ALOXE3: variants seen among roughly 807,000 people sequenced by gnomAD.
The protein encoded by ALOXE3 is arachidonate epidermal lipoxygenase 3.
A neutral mutation model predicts 87.5 loss-of-function variants in ALOXE3; 78 were observed. That is an observed-to-expected ratio of 0.89 (90% confidence interval 0.74 to 1.08). ALOXE3 has a LOEUF of 1.08. Ranked by LOEUF, ALOXE3 falls within the 50% of genes least tolerant of loss-of-function variation. The probability of loss-of-function intolerance (pLI) is 0.00; values close to 1 mark genes in which losing one functional copy is unlikely to be tolerated. For missense variants in ALOXE3, 946 were observed against 912.4 expected (o/e 1.04, Z -0.47); for synonymous variants, 363 against 370.8 (o/e 0.98, Z 0.24).
At chr17:8,106,682 C>T (rs144419070) in intron 13 of ALOXE3, among the ~76,000 whole-genome samples, 2,132 of 152,040 alleles carry the variant, frequency 0.014, 33 homozygotes, top group South Asian at 0.015. Flanking sequence ...AAAAATTATC[C>T]GGGCGTGGTA....
chr17:8,101,021 C>T (rs1978888769), intron 15 of ALOXE3, among the ~76,000 whole-genome samples: 2 of 111,394 alleles, frequency 1.8e-5, no homozygotes, highest in African/African-American at 6.4e-5. Context: ...TGCCAAGCTG[C>T]TTTTTTTTTG....
chr17:8,115,204 C>T (rs1980481036), intron 4 of ALOXE3, 147 bp from the exon 5 acceptor site: 2 of 1,153,098 alleles, frequency 1.7e-6, no homozygotes, highest in Non-Finnish European at 2.5e-6. Context: ...TCCATGAAAG[C>T]ACTGGCTTCA....
At chr17:8,101,894 C>G (rs991671696) in intron 15 of ALOXE3, among the ~76,000 whole-genome samples, 10 of 152,192 alleles carry the variant, frequency 6.6e-5, no homozygotes, top group African/African-American at 2.4e-4. Flanking sequence ...CCGGCCTCAG[C>G]CTCCCAAAGT....
intron 13 of ALOXE3, among the ~76,000 whole-genome samples, chr17:8,108,166 T>G (rs1484605544): frequency 2.0e-5 from 3 of 152,124 alleles, no homozygotes; most frequent in Non-Finnish European, 4.4e-5. Flanking sequence ...TGGCTCCCAC[T>G]GCACGTTGCA....
chr17:8,105,329 T>A (rs1427725738), intron 13 of ALOXE3, among the ~76,000 whole-genome samples: 2 of 147,586 alleles, frequency 1.4e-5, no homozygotes, highest in Non-Finnish European at 3.0e-5. Flanking sequence ...CCAATTATCT[T>A]CAGAACTAGC....
chr17:8,115,512 C>G, intron 4 of ALOXE3, 95 bp downstream of exon 4: 1 of 1,334,990 alleles, frequency 7.5e-7, no homozygotes, highest in East Asian at 2.4e-5. Context: ...AGCTAGGCAC[C>G]CAAGGTTGAG....
intron 5 of ALOXE3, 97 bp downstream of exon 5, chr17:8,114,839 TAG>T: frequency 6.4e-7 from 1 of 1,564,876 alleles, no homozygotes. Context: ...TGCATTGTCA[TAG>T]ACCCCTACCC....
intron 3 of ALOXE3, among the ~76,000 whole-genome samples, chr17:8,116,047 A>T (rs998431643): frequency 6.6e-6 from 1 of 152,246 alleles, no homozygotes; most frequent in African/African-American, 2.4e-5. Flanking sequence ...ATGACTGATG[A>T]ACAAATATAT....
chr17:8,109,217 G>A lies in ALOXE3; in HGVS notation c.1519C>T (p.His507Tyr), dbSNP rs1236356384. ...ATCTTCAGGCCGTCGTCTCGGTAGT[G>A]GTAGTTGGGGATAGCCAGGACGCCG... ...ARGVLAIPNY[H>Y]YRDDGLKIWA... The change falls in exon 12 of 16, where the codon CAC (histidine) becomes TAC (tyrosine). Residue 507 changes from histidine (H) to tyrosine (Y), a missense_variant. By Grantham distance (83) the His-to-Tyr change is moderately conservative. Transcript: ENST00000448843. The A allele has an allele frequency of 6.2e-7, 1 of 1,614,022 alleles. No homozygotes were observed. Among genetic ancestry groups the A allele is most frequent in the Non-Finnish European group, 8.5e-7 (1 of 1,180,040 alleles).
chr17:8,115,689 C>A lies in ALOXE3; in HGVS notation c.353-1G>T. ...AGAGAGTCCTGACAAATAGTTCTTG[C>A]TGTGGGGAATGAAAATTACTCTTGG... On this transcript the variant is annotated splice_acceptor_variant, in intron 3 of 15. Transcript: ENST00000448843. LOFTEE classifies it high-confidence loss of function. 1 of 1,612,586 alleles carries A rather than the reference C, an allele frequency of 6.2e-7. No homozygotes were observed. The highest frequency in any genetic ancestry group is 8.5e-7 in the Non-Finnish European group (1 of 1,178,560).
chr17:8,117,050 A>G, intron 2 of ALOXE3, 70 bp from the exon 3 acceptor site: 14 of 1,392,358 alleles, frequency 1.0e-5, no homozygotes, highest in South Asian at 9.7e-5. Context: ...GCCTTGCAAG[A>G]TGCATCTACA....
intron 15 of ALOXE3, among the ~76,000 whole-genome samples, chr17:8,102,408 G>A (rs757908123): frequency 2.6e-5 from 4 of 152,042 alleles, no homozygotes; most frequent in Non-Finnish European, 5.9e-5. Flanking sequence ...CAGGAGAATC[G>A]CTTAAACCTG....
chr17:8,114,025 C>CA (rs59622826), intron 6 of ALOXE3, among the ~76,000 whole-genome samples: 17,924 of 90,082 alleles, frequency 0.2, 1,466 homozygotes, highest in African/African-American at 0.29. Flanking sequence ...AACTCCGTCT[C>CA]AAAAAAAAAA....
Position 8,097,094 on chromosome 17 carries a change from G to A in ALOXE3, c.1957-288C>T, listed in dbSNP as rs542182080. Among the ~76,000 whole-genome samples, 122 of 152,240 alleles carry A rather than the reference G, an allele frequency of 8.0e-4. 1 individual carries two copies. Among genetic ancestry groups the A allele is most frequent in the African/African-American group, 2.8e-3 (115 of 41,552 alleles). Reference sequence around the variant, plus strand: ...TCTGCCTGTTACTTTGACTCTTTGAGACTCAATTCCTGCATCTGAAAATGG... The same window carrying A: ...TCTGCCTGTTACTTTGACTCTTTGAAACTCAATTCCTGCATCTGAAAATGG... On this transcript the variant is annotated intron_variant, in intron 15 of 15. Transcript: ENST00000448843.
Position 8,111,377 on chromosome 17 carries a change from G to A in ALOXE3, c.939C>T (p.Cys313=), listed in dbSNP as rs767724203. 14 of 1,613,424 alleles carry A rather than the reference G, an allele frequency of 8.7e-6. No homozygotes were observed. The South Asian group carries it at 1.5e-4, about 18-fold the overall frequency. ...MVAPLLGQDT[C]LQTELERGNI... is the part of the protein sequence containing the mutation. ...TACCCACCTCTAGCTCTGTCTGCAG[G>A]CATGTGTCCTGTCCCAGCAAGGGGG... The change falls in exon 8 of 16, where the codon TGC becomes TGT. Residue 313 remains cysteine, a synonymous_variant. Coordinates refer to ENST00000448843, the MANE Select transcript of ALOXE3 (RefSeq NM_021628.3).
In ALOXE3 at chr17:8,117,692, C is replaced by A. The variant is rs957837724; in HGVS notation, c.147+152G>T. 20 of 1,488,432 alleles carry A rather than the reference C, an allele frequency of 1.3e-5. No individual in the cohort carries two copies. In the African/African-American group the frequency reaches 2.4e-4, roughly 18 times the overall value. 92.2% of individuals were successfully genotyped at this position (1,488,432 alleles called of 1,614,324 possible). A position where few individuals can be genotyped will look rare whatever the true frequency, so the allele number is the denominator to read the frequency against. On this transcript the variant is annotated intron_variant, in intron 2 of 15. Coordinates refer to ENST00000448843, the MANE Select transcript of ALOXE3 (RefSeq NM_021628.3). The stretch of plus-strand genomic sequence containing the variant: ...CCTGCCTGGATGGAGTTCATCATCT[C>A]CAGGAAAGACAGGGACCTCAATAGG...
At chr17:8,099,020 T>TTC (rs1173805668) in intron 15 of ALOXE3, among the ~76,000 whole-genome samples, 1 of 121,118 alleles carries the variant, frequency 8.3e-6, no homozygotes, top group East Asian at 3.7e-4. Flanking sequence ...CCGGCTAGTT[T>TTC]TCTTTTTTTT....
intron 13 of ALOXE3, among the ~76,000 whole-genome samples, chr17:8,105,037 C>T (rs897452460): frequency 6.7e-6 from 1 of 149,274 alleles, no homozygotes; most frequent in African/African-American, 2.5e-5. Flanking sequence ...CTGACGTCCC[C>T]ACCTAAGCAT....
At chr17:8,102,313 T>C (rs547407110) in intron 15 of ALOXE3, among the ~76,000 whole-genome samples, 78 of 152,256 alleles carry the variant, frequency 5.1e-4, no homozygotes, top group African/African-American at 1.8e-3. Flanking sequence ...GCCAACATGG[T>C]GAAACCCCAT....
Sources: allele counts gnomAD v4.1 joint callset (sites outside exome capture counted in the v4.1 genomes callset), GRCh38; gene constraint gnomAD v4.1.1; transcripts MANE v1.5; gene names NCBI Gene and HGNC (gene_info 2026-07-23, HGNC 2026-07-21).